Variants in FRAS1 observed in about 807,000 individuals in gnomAD.
FRAS1 encodes extracellular matrix organizing protein FRAS1.
A neutral mutation model predicts 435.2 loss-of-function variants in FRAS1; 290 were observed. The ratio of observed to expected loss-of-function variants is 0.67; its 90% confidence interval spans 0.61 to 0.73. FRAS1 has a LOEUF of 0.73. Ranked by LOEUF, FRAS1 falls within the 30% of genes least tolerant of loss-of-function variation. The pLI is 0.00. For missense variants in FRAS1, 4,860 were observed against 5,001.5 expected (o/e 0.97, Z 0.85); for synonymous variants, 1,800 against 1,851.0 (o/e 0.97, Z 0.71).
chr4:78,533,823 A>G (rs1721798824), intron 70 of FRAS1, among the ~76,000 whole-genome samples: 1 of 152,210 alleles, frequency 6.6e-6, no homozygotes, highest in Admixed American at 6.5e-5. Flanking sequence ...TTAGATAGTT[A>G]AATTTGGCAT....
intron 55 of FRAS1, among the ~76,000 whole-genome samples, chr4:78,478,658 T>C (rs192782115): frequency 1.6e-4 from 25 of 152,334 alleles, no homozygotes; most frequent in Non-Finnish European, 2.9e-4. Context: ...GATTGAGACT[T>C]TAAAACACAT....
chr4:78,375,271 G>C (rs1731710513), intron 25 of FRAS1, among the ~76,000 whole-genome samples: 1 of 152,098 alleles, frequency 6.6e-6, no homozygotes, highest in East Asian at 1.9e-4. Context: ...TGTGTACCAG[G>C]CACTGTTTTC....
chr4:78,416,350 TG>T (rs1733553717), intron 32 of FRAS1, among the ~76,000 whole-genome samples: 1 of 151,952 alleles, frequency 6.6e-6, no homozygotes, highest in African/African-American at 2.4e-5. Context: ...ATTTCAGCTT[TG>T]CAAGGTGGGA....
At position 78,482,418 on chromosome 4, in the gene FRAS1, C is replaced by T. The variant is rs755681353; in HGVS notation, c.8635C>T (p.Gln2879Ter). 1.9e-6 allele frequency: 3 copies of T among 1,613,724 alleles called. No individual in the cohort carries two copies. The highest frequency in any genetic ancestry group is 2.2e-5 in the East Asian group (1 of 44,892). The change falls in exon 58 of 74, where the codon CAG (glutamine) becomes TAG (stop). Residue 2879 changes from glutamine to a stop codon, truncating the protein, a stop_gained. Coordinates refer to ENST00000512123, the MANE Select transcript of FRAS1 (RefSeq NM_025074.7). LOFTEE classifies it high-confidence loss of function. The part of the protein sequence containing the change: ...YCTLTILDDT[Q>*]YPVIEGLETF... ...CACCTTGACTATCTTGGATGACACTCAGTATCCGGTAATTGAAGGACTGGA... is the reference window on the plus strand; with the variant it reads ...CACCTTGACTATCTTGGATGACACTTAGTATCCGGTAATTGAAGGACTGGA...
At position 78,439,051 on chromosome 4, in the gene FRAS1, C is replaced by T. The variant is rs769089211; in HGVS notation, c.5516C>T (p.Ala1839Val). Residue 1839 changes from alanine to valine, a missense_variant, in exon 40 of 74, where the codon GCT (alanine) becomes GTT (valine). Physicochemically the swap from Ala to Val is moderately conservative, Grantham distance 64 (BLOSUM62 0). Coordinates refer to ENST00000512123, the MANE Select transcript of FRAS1 (RefSeq NM_025074.7). ...AENPPPVIAF[A>V]DLITVDEGGR... is the part of the protein sequence containing the mutation. The stretch of plus-strand genomic sequence containing the variant: ...AATCCACCTCCAGTCATTGCTTTTG[C>T]TGACCTTATCACGGTAAACAATTCT... 52 of 1,612,684 alleles carry T rather than the reference C, an allele frequency of 3.2e-5. No individual in the cohort carries two copies. The highest frequency in any genetic ancestry group is 4.4e-5 in the Non-Finnish European group (52 of 1,179,322).
At chr4:78,203,321 G>T (rs1014673361) in intron 2 of FRAS1, among the ~76,000 whole-genome samples, 1 of 152,090 alleles carries the variant, frequency 6.6e-6, no homozygotes, top group African/African-American at 2.4e-5. Flanking sequence ...AGAAACTGAG[G>T]GATAAAAGTA....
intron 6 of FRAS1, among the ~76,000 whole-genome samples, chr4:78,263,394 G>C (rs1195981320): frequency 6.6e-6 from 1 of 152,136 alleles, no homozygotes; most frequent in Admixed American, 6.6e-5. Flanking sequence ...AGCACAATTT[G>C]CCCTATATCA....
At chr4:78,158,266 C>T (rs775054968) in intron 2 of FRAS1, among the ~76,000 whole-genome samples, 6 of 152,084 alleles carry the variant, frequency 3.9e-5, no homozygotes, top group Admixed American at 1.3e-4. Context: ...GCTTGCTTTG[C>T]GCAGTATGGC....
intron 2 of FRAS1, among the ~76,000 whole-genome samples, chr4:78,090,476 TTAC>T (rs1380209931): frequency 3.3e-5 from 5 of 152,182 alleles, no homozygotes; most frequent in Non-Finnish European, 7.3e-5. Flanking sequence ...AGAACCTGAC[TTAC>T]AAATTACTGT....
At chr4:78,274,982 A>G (rs1726919925) in intron 9 of FRAS1, among the ~76,000 whole-genome samples, 1 of 152,190 alleles carries the variant, frequency 6.6e-6, no homozygotes, top group Admixed American at 6.5e-5. Flanking sequence ...GACTTGCTTT[A>G]TGAATCTGGG....
At chr4:78,535,774 T>C (rs6533754) in intron 71 of FRAS1, among the ~76,000 whole-genome samples, 4,254 of 152,290 alleles carry the variant, frequency 0.028, 221 homozygotes, top group African/African-American at 0.096. Context: ...AAGGCCCAAG[T>C]GTGTTACTAC....
At chr4:78,430,813 T>G (rs1360376885) in intron 37 of FRAS1, among the ~76,000 whole-genome samples, 2 of 152,194 alleles carry the variant, frequency 1.3e-5, no homozygotes, top group African/African-American at 2.4e-5. Context: ...GCTGTGACTC[T>G]GATAGTGTTA....
Position 78,466,424 on chromosome 4 carries a change from G to A in FRAS1, c.7246G>A (p.Gly2416Arg). 8.7e-6 allele frequency: 14 copies of A among 1,612,974 alleles called. No homozygotes were observed. Among genetic ancestry groups the A allele is most frequent in the Non-Finnish European group, 1.0e-5 (12 of 1,179,314 alleles). Residue 2416 changes from glycine (G) to arginine (R), a missense_variant, in exon 50 of 74, where the codon GGG becomes AGG. Physicochemically the swap from Gly to Arg is moderately radical, Grantham distance 125 (BLOSUM62 -2). Transcript: ENST00000512123. ...GTNPFFIIEE[G>R]GKEIMTAAPQ... ...AAACCCCTTCTTTATCATTGAGGAA[G>A]GGGGAAAAGAGGTGAGGGGTGAGGA...
In FRAS1 at chr4:78,228,915, CAG is replaced by C. The variant is rs1248118491; in HGVS notation, c.109-8591_109-8590del. Among the ~76,000 whole-genome samples, 3 of 152,184 alleles carry C rather than the reference CAG, an allele frequency of 2.0e-5. No homozygotes were observed. The East Asian group carries it at 5.8e-4, about 29-fold the overall frequency. On this transcript the variant is annotated intron_variant, in intron 2 of 73. Coordinates refer to ENST00000512123, the MANE Select transcript of FRAS1 (RefSeq NM_025074.7). ...TATCCTTAGTTTGCATATTAGGAAA[CAG>C]AGACTCAGAAAAGCTAAGAGATTTG...
chr4:78,524,674 A>G (rs1236022348), intron 69 of FRAS1, among the ~76,000 whole-genome samples: 2 of 152,188 alleles, frequency 1.3e-5, no homozygotes, highest in Non-Finnish European at 2.9e-5. Flanking sequence ...ACAAGTATTT[A>G]TGGAATGTTT....
intron 2 of FRAS1, among the ~76,000 whole-genome samples, chr4:78,112,262 G>GAA (rs935505099): frequency 6.6e-6 from 1 of 152,016 alleles, no homozygotes; most frequent in Admixed American, 6.6e-5. Context: ...AAAGCTAGCT[G>GAA]AAAAAAATGA....
chr4:78,300,070 G>A (rs1179656815), intron 14 of FRAS1, among the ~76,000 whole-genome samples: 2 of 152,176 alleles, frequency 1.3e-5, no homozygotes, highest in Non-Finnish European at 2.9e-5. Context: ...CAGAGTGAGT[G>A]AGGCAAAGGC....
chr4:78,162,184 C>T (rs1253836440), intron 2 of FRAS1, among the ~76,000 whole-genome samples: 1 of 152,158 alleles, frequency 6.6e-6, no homozygotes, highest in Non-Finnish European at 1.5e-5. Context: ...TTCATGTTGA[C>T]TTCTTGCTGG....
chr4:78,316,324 T>C (rs1412506129), intron 16 of FRAS1, among the ~76,000 whole-genome samples: 1 of 152,222 alleles, frequency 6.6e-6, no homozygotes, highest in Non-Finnish European at 1.5e-5. Flanking sequence ...GAACTTCTTG[T>C]TGCCTGGGAC....
Sources: allele counts gnomAD v4.1 joint callset (sites outside exome capture counted in the v4.1 genomes callset), GRCh38; gene constraint gnomAD v4.1.1; transcripts MANE v1.5; gene names NCBI Gene and HGNC (gene_info 2026-07-23, HGNC 2026-07-21).